The following GRID2 variants were observed in gnomAD, a reference collection of about 807,000 sequenced individuals.
GRID2 encodes glutamate receptor ionotropic, delta-2.
Under a neutral mutation model 114.8 loss-of-function variants are expected in GRID2, and 33 were observed. The ratio of observed to expected loss-of-function variants is 0.29; its 90% CI spans 0.22 to 0.38. The LOEUF is 0.38. GRID2 is among the 10% of genes least tolerant of loss of function. The pLI is 1.00. For synonymous variants in GRID2, 505 were observed against 449.9 expected (o/e 1.12, Z -1.55); for missense variants, 1,184 against 1,257.7 (o/e 0.94, Z 0.89).
chr4:93,437,918 A>G (rs1350989750), intron 10 of GRID2, among the ~76,000 whole-genome samples: 1 of 152,114 alleles, frequency 6.6e-6, no homozygotes, highest in Non-Finnish European at 1.5e-5. Context: ...ATCTATCTAT[A>G]TATATCTACA....
At chr4:92,849,141 T>C (rs1743565203) in intron 2 of GRID2, among the ~76,000 whole-genome samples, 1 of 151,940 alleles carries the variant, frequency 6.6e-6, no homozygotes, top group Non-Finnish European at 1.5e-5. Flanking sequence ...CAGCACTGAA[T>C]TGAAACTGGA....
chr4:92,606,576 A>G (rs1159746421), intron 2 of GRID2, among the ~76,000 whole-genome samples: 1 of 151,950 alleles, frequency 6.6e-6, no homozygotes, highest in Non-Finnish European at 1.5e-5. Flanking sequence ...CCTGCTCTGT[A>G]TCACTCTCTT....
intron 11 of GRID2, among the ~76,000 whole-genome samples, chr4:93,460,346 C>G (rs1196877563): frequency 1.3e-5 from 2 of 152,178 alleles, no homozygotes; most frequent in African/African-American, 2.4e-5. Context: ...AGACAAGACT[C>G]TTTCCTAACT....
Position 93,372,633 on chromosome 4 carries a change from T to C in GRID2, c.1246-22974T>C, listed in dbSNP as rs185814532. ...CTGTGTCTCTAGTGTCTTGTAGACATTAGAGGCACAGAAACCATTTTTCAC... is the reference window on the plus strand; with the variant it reads ...CTGTGTCTCTAGTGTCTTGTAGACACTAGAGGCACAGAAACCATTTTTCAC... On this transcript the variant is annotated intron_variant, in intron 8 of 15. Transcript: ENST00000282020. Among the ~76,000 whole-genome samples the C allele has an allele frequency of 1.4e-3, 208 of 152,236 alleles. 2 individuals carry two copies. The highest frequency in any genetic ancestry group is 0.011 in the Admixed American group (168 of 15,288).
chr4:92,684,618 A>G (rs1188098484), intron 2 of GRID2, among the ~76,000 whole-genome samples: 4 of 152,048 alleles, frequency 2.6e-5, no homozygotes. Context: ...GTATTTAGAG[A>G]AAACTTTTTC....
At chr4:92,573,290 G>A (rs539187919) in intron 1 of GRID2, among the ~76,000 whole-genome samples, 1 of 151,956 alleles carries the variant, frequency 6.6e-6, no homozygotes, top group South Asian at 2.1e-4. Context: ...GTTTTCGAAG[G>A]GTTTTTCATG....
intron 1 of GRID2, among the ~76,000 whole-genome samples, chr4:92,318,035 A>G (rs1475493385): frequency 3.9e-5 from 6 of 152,068 alleles, no homozygotes; most frequent in African/African-American, 1.4e-4. Context: ...TTGAGTCTTG[A>G]GCATCTACAT....
chr4:93,228,175 C>T (rs554772571), intron 7 of GRID2, among the ~76,000 whole-genome samples: 7 of 152,172 alleles, frequency 4.6e-5, no homozygotes, highest in African/African-American at 7.2e-5. Flanking sequence ...CCATGGACTT[C>T]GTAGTTTATT....
chr4:93,136,939 C>T (rs1246186415), intron 4 of GRID2, among the ~76,000 whole-genome samples: 1 of 152,082 alleles, frequency 6.6e-6, no homozygotes, highest in African/African-American at 2.4e-5. Context: ...AGAATATATT[C>T]ATAAGCAAGA....
In GRID2 at chr4:92,776,706, C is replaced by G. The variant is rs190249793; in HGVS notation, c.244+186420C>G. Among the ~76,000 whole-genome samples, 587 of 152,070 alleles carry G rather than the reference C, an allele frequency of 3.9e-3. 2 individuals are homozygous for G. Among genetic ancestry groups the G allele is most frequent in the Non-Finnish European group, 6.0e-3 (409 of 67,990 alleles). On this transcript the variant is annotated intron_variant, in intron 2 of 15. Transcript: ENST00000282020. Reference sequence around the variant, plus strand: ...TCCTCTGTAAAGATTGTTCTCTCTACTTCTATAGGAATACAATAAAATGAA... The same window carrying G: ...TCCTCTGTAAAGATTGTTCTCTCTAGTTCTATAGGAATACAATAAAATGAA...
chr4:93,028,732 A>G (rs1283951677), intron 2 of GRID2, among the ~76,000 whole-genome samples: 1 of 152,050 alleles, frequency 6.6e-6, no homozygotes, highest in African/African-American at 2.4e-5. Flanking sequence ...ATAATTTTTG[A>G]GCAAGGGAGC....
intron 2 of GRID2, among the ~76,000 whole-genome samples, chr4:92,813,368 A>G (rs895509563): frequency 7.2e-5 from 11 of 152,140 alleles, no homozygotes; most frequent in Non-Finnish European, 1.6e-4. Flanking sequence ...CAGCAGAAAG[A>G]GAGCAAGCTA....
intron 1 of GRID2, among the ~76,000 whole-genome samples, chr4:93,782,400 C>T (rs149305338): frequency 7.9e-5 from 12 of 152,196 alleles, no homozygotes; most frequent in Non-Finnish European, 1.6e-4. Context: ...ATGAAAGAAC[C>T]ATGGAATGAA....
At chr4:92,576,148 C>T (rs1727881451) in intron 1 of GRID2, among the ~76,000 whole-genome samples, 1 of 152,134 alleles carries the variant, frequency 6.6e-6, no homozygotes, top group African/African-American at 2.4e-5. Context: ...AGAATATGTG[C>T]AGGCAGGCAT....
intron 13 of GRID2, among the ~76,000 whole-genome samples, chr4:93,614,703 T>G (rs1741410736): frequency 6.6e-6 from 1 of 152,196 alleles, no homozygotes; most frequent in Non-Finnish European, 1.5e-5. Flanking sequence ...AAGGTTTTTT[T>G]TCTGTCCTCT....
At chr4:92,731,934 T>A (rs1270385821) in intron 2 of GRID2, among the ~76,000 whole-genome samples, 1 of 151,996 alleles carries the variant, frequency 6.6e-6, no homozygotes, top group Non-Finnish European at 1.5e-5. Flanking sequence ...GAATTGCATT[T>A]TTTAAATTAC....
intron 10 of GRID2, among the ~76,000 whole-genome samples, chr4:93,426,345 G>A (rs1268547407): frequency 1.3e-5 from 2 of 151,948 alleles, no homozygotes; most frequent in African/African-American, 2.4e-5. Context: ...ATCTTTCTAA[G>A]GGCTGTTTCC....
chr4:93,631,461 C>T (rs968806613), intron 14 of GRID2, among the ~76,000 whole-genome samples: 6 of 152,044 alleles, frequency 3.9e-5, no homozygotes, highest in African/African-American at 7.2e-5. Context: ...TGAGAACATG[C>T]GGTGTTTGGT....
intron 13 of GRID2, among the ~76,000 whole-genome samples, chr4:93,589,889 T>TTGA (rs1738003556): frequency 6.6e-6 from 1 of 151,542 alleles, no homozygotes. Context: ...TGCCCACTTG[T>TTGA]TGATGGGGTT....
Sources: allele counts gnomAD v4.1 joint callset (sites outside exome capture counted in the v4.1 genomes callset), GRCh38; gene constraint gnomAD v4.1.1; transcripts MANE v1.5; gene names NCBI Gene and HGNC (gene_info 2026-07-23, HGNC 2026-07-21).